Variants in CTNNAL1 observed in about 807,000 individuals in gnomAD.
CTNNAL1 encodes the protein alpha-catulin.
CTNNAL1 carries 69 observed loss-of-function variants against 93.6 expected under a neutral mutation model. That is an observed-to-expected ratio of 0.74 (90% CI 0.61 to 0.90). CTNNAL1 has a LOEUF of 0.90. CTNNAL1 is among the 40% of genes least tolerant of loss of function. CTNNAL1 has a pLI of 0.00. For missense variants in CTNNAL1, 836 were observed against 862.0 expected, an observed-to-expected ratio of 0.97 and a Z score of 0.38; for synonymous variants, 286 against 305.4, an observed-to-expected ratio of 0.94 and a Z score of 0.66.
chr9:109,012,725 G>A (rs1290576554), intron 1 of CTNNAL1, among the ~76,000 whole-genome samples: 4 of 152,218 alleles, frequency 2.6e-5, no homozygotes, highest in African/African-American at 9.6e-5. Context: ...CAGGTTCAGG[G>A]GAAGGGGTAG....
intron 2 of CTNNAL1, among the ~76,000 whole-genome samples, chr9:108,993,570 T>C (rs1008221797): frequency 4.6e-5 from 7 of 152,216 alleles, no homozygotes; most frequent in African/African-American, 1.7e-4. Flanking sequence ...CCCAACCCTC[T>C]AGAAAAATTA....
At chr9:109,006,980 A>T (rs1263905481) in intron 1 of CTNNAL1, among the ~76,000 whole-genome samples, 1 of 152,212 alleles carries the variant, frequency 6.6e-6, no homozygotes, top group Non-Finnish European at 1.5e-5. Flanking sequence ...GCACTTTGGG[A>T]GGCCAAGGCT....
rs1827082435 is a variant in CTNNAL1 at position 109,007,905 on chromosome 9, C to T, written c.141+5397G>A. 2.6e-5 allele frequency among the ~76,000 whole-genome samples: 4 copies of T among 152,110 alleles called. No homozygotes were observed. The South Asian group carries it at 8.3e-4, about 32-fold the overall frequency. On this transcript the variant is annotated intron_variant, in intron 1 of 18. Coordinates refer to ENST00000325551, the MANE Select transcript of CTNNAL1 (RefSeq NM_003798.4). ...TATAACTATTGTACATACAGTATAC[C>T]CTAAATGATATCTGGTTTAGTTTTA...
At chr9:108,979,141 A>G in intron 7 of CTNNAL1, 140 bp downstream of exon 7, 1 of 1,076,518 alleles carries the variant, frequency 9.3e-7, no homozygotes, top group African/African-American at 1.6e-5. Context: ...GCCAACTAGG[A>G]GGGAAAGAAG....
chr9:108,958,061 CTCAA>C (rs1830727902), intron 11 of CTNNAL1, among the ~76,000 whole-genome samples: 1 of 47,428 alleles, frequency 2.1e-5, no homozygotes, highest in Non-Finnish European at 4.0e-5. Flanking sequence ...GCAAGACTGT[CTCAA>C]AAAAAAAAAA....
intron 9 of CTNNAL1, among the ~76,000 whole-genome samples, chr9:108,971,133 A>G (rs1322752971): frequency 6.6e-6 from 1 of 152,232 alleles, no homozygotes; most frequent in African/African-American, 2.4e-5. Context: ...CAAATTTATT[A>G]AATGAAGAAG....
chr9:108,979,542 G>A, intron 6 of CTNNAL1, 61 bp from the exon 7 acceptor site: 9 of 1,513,342 alleles, frequency 5.9e-6, no homozygotes, highest in Non-Finnish European at 7.2e-6. Flanking sequence ...TGACCAAAAT[G>A]GGCTGTAATT....
intron 1 of CTNNAL1, among the ~76,000 whole-genome samples, chr9:109,010,803 C>T (rs1827182360): frequency 2.0e-5 from 3 of 152,176 alleles, no homozygotes; most frequent in Admixed American, 2.0e-4. Flanking sequence ...CTACTTTAAA[C>T]CGTATAGTGC....
In CTNNAL1 at chr9:108,965,500, A is replaced by G; in HGVS notation, c.1469T>C (p.Leu490Ser). ...TTTAGCAATTTTACTAGATGGATGC[A>G]ATGTCAATGTTTCAGCAGCAGAAAT... ...QIISAAETLT[L>S]HPSSKIAKEN... Residue 490 changes from leucine (L) to serine (S), a missense_variant, in exon 11 of 19, where the codon TTG becomes TCG. Transcript: ENST00000325551. 1 of 1,579,850 alleles carries G rather than the reference A, an allele frequency of 6.3e-7. No homozygotes were observed. The highest frequency in any genetic ancestry group is 8.6e-7 in the Non-Finnish European group (1 of 1,163,936).
intron 1 of CTNNAL1, among the ~76,000 whole-genome samples, chr9:109,006,775 A>G (rs1355428490): frequency 6.6e-6 from 1 of 152,236 alleles, no homozygotes; most frequent in Admixed American, 6.5e-5. Context: ...GGGTGTCAAG[A>G]AGTGCAAAAC....
intron 10 of CTNNAL1, among the ~76,000 whole-genome samples, chr9:108,968,827 C>T (rs1053916155): frequency 2.0e-5 from 3 of 151,962 alleles, no homozygotes; most frequent in South Asian, 2.1e-4. Flanking sequence ...GACTCAACCT[C>T]TACTGCCCAA....
intron 9 of CTNNAL1, among the ~76,000 whole-genome samples, chr9:108,971,500 G>A (rs28361143): frequency 6.6e-6 from 1 of 152,172 alleles, no homozygotes; most frequent in Non-Finnish European, 1.5e-5. Flanking sequence ...AATCATGGGG[G>A]CAGTTTCCTC....
At chr9:108,990,386 A>C (rs1831754051) in intron 4 of CTNNAL1, among the ~76,000 whole-genome samples, 1 of 152,224 alleles carries the variant, frequency 6.6e-6, no homozygotes, top group African/African-American at 2.4e-5. Flanking sequence ...ATGATGACTC[A>C]ATTTTATGTG....
chr9:108,964,248 A>G (rs1283201662), intron 11 of CTNNAL1, among the ~76,000 whole-genome samples: 2 of 152,234 alleles, frequency 1.3e-5, no homozygotes, highest in African/African-American at 4.8e-5. Context: ...TGTTATAGCT[A>G]TAATTCTATT....
At chr9:109,009,312 T>A (rs1384511692) in intron 1 of CTNNAL1, among the ~76,000 whole-genome samples, 2 of 152,320 alleles carry the variant, frequency 1.3e-5, no homozygotes, top group Middle Eastern at 3.4e-3. Context: ...CCCTATTTTT[T>A]TTTTTCTAAA....
intron 1 of CTNNAL1, among the ~76,000 whole-genome samples, chr9:109,005,274 G>A (rs552220469): frequency 6.6e-6 from 1 of 151,980 alleles, no homozygotes; most frequent in East Asian, 1.9e-4. Flanking sequence ...AAAAAAAAAA[G>A]AGAACTTGCT....
At chr9:108,968,340 T>C (rs1443951282) in intron 10 of CTNNAL1, among the ~76,000 whole-genome samples, 1 of 152,206 alleles carries the variant, frequency 6.6e-6, no homozygotes, top group East Asian at 1.9e-4. Flanking sequence ...CAGAAAAAGC[T>C]TCTCAAGTTA....
At chr9:109,006,932 C>A (rs1827045289) in intron 1 of CTNNAL1, among the ~76,000 whole-genome samples, 1 of 152,016 alleles carries the variant, frequency 6.6e-6, no homozygotes, top group African/African-American at 2.4e-5. Context: ...ATAATTGTAC[C>A]CATCAGCCAG....
chr9:108,978,716 C>T (rs929696856), intron 7 of CTNNAL1, among the ~76,000 whole-genome samples: 31 of 152,222 alleles, frequency 2.0e-4, no homozygotes, highest in Admixed American at 1.9e-3. Context: ...TTAAGGCTCA[C>T]AGAGTGGCCA....
Sources: gnomAD v4.1 joint callset for allele counts (sites outside exome capture counted in the v4.1 genomes callset) on GRCh38, gnomAD v4.1.1 for gene constraint, MANE v1.5 for transcripts, NCBI Gene and HGNC (gene_info 2026-07-23, HGNC 2026-07-21) for gene names.